The following CANX variants were observed in gnomAD, a reference collection of about 807,000 sequenced individuals.
CANX encodes the protein epididymis secretory sperm binding protein.
In CANX, 14 loss-of-function variants were observed where a neutral mutation model predicts 75.7. The observed-to-expected ratio is 0.19, with a 90% CI of 0.12 to 0.29. CANX has a LOEUF of 0.29. Among genes scored for constraint, CANX ranks in the 10% least tolerant of loss-of-function variants. The pLI is 1.00. For missense variants in CANX, 567 were observed against 713.2 expected, an observed-to-expected ratio of 0.79 and a Z score of 2.34; for synonymous variants, 227 against 236.9, an observed-to-expected ratio of 0.96 and a Z score of 0.38.
intron 7 of CANX, among the ~76,000 whole-genome samples, chr5:179,711,752 C>T (rs1777570424): frequency 1.4e-5 from 2 of 142,178 alleles, no homozygotes; most frequent in African/African-American, 5.3e-5. Context: ...TGTGACACTG[C>T]ACTCCAGCCT....
At chr5:179,710,891 A>G (rs1049285279) in intron 7 of CANX, among the ~76,000 whole-genome samples, 2 of 151,232 alleles carry the variant, frequency 1.3e-5, no homozygotes, top group South Asian at 2.1e-4. Flanking sequence ...CGTCTCTACT[A>G]AAAATACAAA....
At chr5:179,679,356 A>ACGGCTG (rs920794535) in intron 1 of CANX, 1 of 1,128,890 alleles carries the variant, frequency 8.9e-7, no homozygotes, top group African/African-American at 1.6e-5. Context: ...CCCTGCAGCT[A>ACGGCTG]CGGCTGCGGC....
chr5:179,688,036 AAAAT>A (rs1037187104), intron 1 of CANX, among the ~76,000 whole-genome samples: 9 of 151,526 alleles, frequency 5.9e-5, no homozygotes, highest in South Asian at 4.2e-4. Flanking sequence ...CTCCCTCTCA[AAAAT>A]AAATAAATAA....
chr5:179,692,541 T>C (rs1363815345), intron 1 of CANX, among the ~76,000 whole-genome samples: 1 of 152,034 alleles, frequency 6.6e-6, no homozygotes. Flanking sequence ...TTTTATTTTT[T>C]AGAGACAGGG....
chr5:179,702,858 T>C (rs1776861318), intron 1 of CANX, among the ~76,000 whole-genome samples: 1 of 151,924 alleles, frequency 6.6e-6, no homozygotes, highest in African/African-American at 2.4e-5. Context: ...CAAACTCCAC[T>C]TCCCGGGTTC....
intron 8 of CANX, among the ~76,000 whole-genome samples, chr5:179,719,051 C>T (rs1272112724): frequency 1.3e-5 from 2 of 152,138 alleles, no homozygotes; most frequent in African/African-American, 4.8e-5. Context: ...CTGCCTTGGC[C>T]TCCCAAAGTG....
At chr5:179,689,116 T>C (rs1424376709) in intron 1 of CANX, among the ~76,000 whole-genome samples, 1 of 152,000 alleles carries the variant, frequency 6.6e-6, no homozygotes, top group African/African-American at 2.4e-5. Context: ...TAGCTGGGCA[T>C]GGTGGTGTGC....
chr5:179,697,459 T>TA (rs530981567), upstream of CANX, among the ~76,000 whole-genome samples: 32 of 152,322 alleles, frequency 2.1e-4, no homozygotes, highest in South Asian at 6.0e-3. Context: ...TTTTGGCACT[T>TA]ACCTTTGCAG....
upstream of CANX, chr5:179,698,721 C>A (rs544233177): frequency 3.9e-6 from 3 of 766,486 alleles, no homozygotes; most frequent in Non-Finnish European, 5.7e-6. Context: ...CTCGATCCAG[C>A]GTGGCCCGCC....
intron 1 of CANX, 72 bp from the exon 2 acceptor site, chr5:179,705,607 A>G: frequency 1.9e-6 from 2 of 1,049,888 alleles, no homozygotes; most frequent in South Asian, 3.2e-5. Context: ...TTTAAATGAG[A>G]GAGTGGTTAG....
intron 1 of CANX, among the ~76,000 whole-genome samples, chr5:179,681,945 A>T (rs1431862061): frequency 6.6e-5 from 3 of 45,758 alleles, no homozygotes; most frequent in Admixed American, 2.5e-4. Context: ...CCCTGTGTTT[A>T]AAAAAAAAAA....
chr5:179,725,265 G>A (rs963717152), intron 13 of CANX, among the ~76,000 whole-genome samples: 8 of 152,020 alleles, frequency 5.3e-5, no homozygotes, highest in Admixed American at 6.6e-5. Flanking sequence ...GGAGTGCAGT[G>A]GTGTGATCTC....
At chr5:179,694,520 C>A, upstream of CANX, 1 of 766,698 alleles carries the variant, frequency 1.3e-6, no homozygotes, top group South Asian at 1.4e-5. Context: ...AGATCAAATC[C>A]ACAAACCCTG....
At chr5:179,714,212 G>C (rs1287269333) in intron 7 of CANX, among the ~76,000 whole-genome samples, 1 of 152,100 alleles carries the variant, frequency 6.6e-6, no homozygotes, top group Non-Finnish European at 1.5e-5. Flanking sequence ...TGTTGGTCAG[G>C]CTGGTCTCGA....
intron 11 of CANX, 117 bp from the exon 12 acceptor site, chr5:179,723,543 C>G: frequency 1.0e-6 from 1 of 965,390 alleles, no homozygotes; most frequent in South Asian, 1.8e-5. Flanking sequence ...TGAGCATTTT[C>G]TCTGAAAAAG....
intron 1 of CANX, chr5:179,678,934 G>A: frequency 6.5e-7 from 1 of 1,535,244 alleles, no homozygotes; most frequent in South Asian, 1.2e-5. Context: ...GGTTGCTGAG[G>A]CGCATGCACG....
chr5:179,685,621 C>T lies in CANX; in HGVS notation c.-4+6844C>T, dbSNP rs551300877. 8.4e-5 allele frequency among the ~76,000 whole-genome samples: 11 copies of T among 130,610 alleles called. No individual in the cohort carries two copies. In the South Asian group the frequency reaches 2.7e-3, roughly 33 times the overall value. The allele number at this position is 130,610 out of a possible 152,430, so 85.7% of individuals were successfully genotyped here. A position where few individuals can be genotyped will look rare whatever the true frequency, so the allele number is the denominator to read the frequency against. On this transcript the variant is annotated intron_variant, in intron 1 of 14. Transcript: ENST00000681674. Reference sequence around the variant, plus strand: ...CCAGGCTGGAGTGCAGTGGCGTGATCTCGGCTCACTGAAACCTCTGCCTGC... The same window carrying T: ...CCAGGCTGGAGTGCAGTGGCGTGATTTCGGCTCACTGAAACCTCTGCCTGC...
chr5:179,708,315 G>A lies in CANX; in HGVS notation c.381G>A (p.Lys127=). Residue 127 remains lysine, a synonymous_variant, in exon 5 of 15, where the codon AAG becomes AAA. Transcript: ENST00000247461. ...DKGLVLMSRA[K]HHAISAKLNK... ...GACTTGTGTTGATGTCTCGGGCCAA[G>A]CATCATGCCATCTCTGCTAAACTGA... The A allele has an allele frequency of 1.2e-6, 2 of 1,613,856 alleles. No homozygotes were observed. Among genetic ancestry groups the A allele is most frequent in the Non-Finnish European group, 1.7e-6 (2 of 1,179,784 alleles).
rs372523788 is a variant in CANX at position 179,703,641 on chromosome 5, AT to A, written c.-3-2023del. Among the ~76,000 whole-genome samples, 526 of 141,840 alleles carry A rather than the reference AT, an allele frequency of 3.7e-3. 1 individual carries two copies. The highest frequency in any genetic ancestry group is 6.7e-3 in the African/African-American group (262 of 38,862). The allele number at this position is 141,840 out of a possible 152,430, so 93.1% of individuals were successfully genotyped here. On this transcript the variant is annotated intron_variant, in intron 1 of 14. Transcript: ENST00000247461. The stretch of plus-strand genomic sequence containing the variant: ...TTTGATTTTTTGTAGAGACAGGATA[AT>A]TTTTTTTTTTTTTTGTATAGACAGG...
Sources: gnomAD v4.1 joint callset for allele counts (sites outside exome capture counted in the v4.1 genomes callset) on GRCh38, gnomAD v4.1.1 for gene constraint, MANE v1.5 for transcripts, NCBI Gene and HGNC (gene_info 2026-07-23, HGNC 2026-07-21) for gene names.